ATP13A4: variants seen among roughly 807,000 people sequenced by gnomAD.
ATP13A4 encodes the protein probable cation-transporting ATPase 13A4.
ATP13A4 carries 114 observed loss-of-function variants against 142.5 expected under a neutral mutation model. That is an observed-to-expected ratio of 0.80 (90% CI 0.69 to 0.93). The LOEUF (loss-of-function observed/expected upper bound fraction) is 0.93, where lower values mean the gene tolerates loss of function less well. ATP13A4 is among the 40% of genes least tolerant of loss of function. The pLI is 0.00. For missense variants in ATP13A4, 1,392 were observed against 1,454.0 expected (o/e 0.96, Z 0.69); for synonymous variants, 488 against 514.8 (o/e 0.95, Z 0.70).
intron 2 of ATP13A4, among the ~76,000 whole-genome samples, chr3:193,563,774 A>G (rs1222700785): frequency 6.6e-6 from 1 of 152,276 alleles, no homozygotes; most frequent in Non-Finnish European, 1.5e-5. Flanking sequence ...AAAATATTTT[A>G]TTTCTTAATT....
intron 2 of ATP13A4, among the ~76,000 whole-genome samples, chr3:193,506,272 G>A (rs1046601014): frequency 6.6e-6 from 1 of 152,072 alleles, no homozygotes; most frequent in Non-Finnish European, 1.5e-5. Flanking sequence ...TTAAATAATT[G>A]GTTTATAATG....
intron 21 of ATP13A4, 56 bp downstream of exon 21, chr3:193,440,502 C>A: frequency 6.2e-7 from 1 of 1,611,050 alleles, no homozygotes; most frequent in Non-Finnish European, 8.5e-7. Context: ...CTTCCACTCC[C>A]CCTGACTGTT....
intron 12 of ATP13A4, among the ~76,000 whole-genome samples, chr3:193,463,512 T>G (rs1718082537): frequency 6.6e-6 from 1 of 151,758 alleles, no homozygotes; most frequent in African/African-American, 2.4e-5. Flanking sequence ...TAAACACCAG[T>G]TGTGTGACCA....
intron 1 of ATP13A4, among the ~76,000 whole-genome samples, chr3:193,526,644 T>A (rs183307322): frequency 5.3e-4 from 81 of 152,252 alleles, no homozygotes; most frequent in African/African-American, 1.8e-3. Context: ...AAAATAATAA[T>A]AATATAATCA....
At chr3:193,466,216 G>A (rs1187964488) in intron 10 of ATP13A4, 34 bp from the exon 11 acceptor site, 3 of 1,612,662 alleles carry the variant, frequency 1.9e-6, no homozygotes, top group African/African-American at 1.3e-5. Context: ...ACACTCTCAG[G>A]AGACCAACGC....
intron 2 of ATP13A4, among the ~76,000 whole-genome samples, chr3:193,573,274 T>TATATATATATATATATATATATATAC (rs1209937896): frequency 7.2e-5 from 6 of 83,048 alleles, no homozygotes; most frequent in African/African-American, 3.5e-4. Flanking sequence ...TATATATATA[T>TATATATATATATATATATATATATAC]ACATATATAT....
chr3:193,452,870 A>T (rs1717364701), intron 17 of ATP13A4, among the ~76,000 whole-genome samples: 1 of 151,636 alleles, frequency 6.6e-6, no homozygotes, highest in Non-Finnish European at 1.5e-5. Flanking sequence ...TATAAACACA[A>T]AGTATTTTTC....
chr3:193,465,004 A>T lies in ATP13A4; in HGVS notation c.1397T>A (p.Ile466Asn). 1 of 1,614,182 alleles carries T rather than the reference A, an allele frequency of 6.2e-7. No homozygotes were observed. The change falls in exon 12 of 30, where the codon ATC (isoleucine) becomes AAC (asparagine). Residue 466 changes from isoleucine (I) to asparagine (N), a missense_variant. Transcript: ENST00000342695. ...YAQRRLKKRG[I>N]FCISPQRINV... ...GATCCTCTGGGGGCTAATGCAGAAGATGCCTCTCTTCTTCAGCCTCCTCTG... is the reference window on the plus strand; with the variant it reads ...GATCCTCTGGGGGCTAATGCAGAAGTTGCCTCTCTTCTTCAGCCTCCTCTG...
At chr3:193,591,418 A>T (rs1035254478) in intron 1 of ATP13A4, among the ~76,000 whole-genome samples, 15 of 152,222 alleles carry the variant, frequency 9.9e-5, no homozygotes, top group Non-Finnish European at 2.2e-4. Flanking sequence ...ATTTGGTCCA[A>T]TGGTTGCAGT....
Position 193,462,984 on chromosome 3 carries a change from T to A in ATP13A4, c.1462-161A>T, listed in dbSNP as rs9882995. On this transcript the variant is annotated intron_variant, in intron 12 of 29. Transcript: ENST00000342695. ...ACATAATGAAACCACCTCCCTATTT[T>A]AAAAAAAAAAAAATCCAGTGGCCCC... Among the ~76,000 whole-genome samples the A allele has an allele frequency of 0.32, 46,885 of 148,014 alleles. 7,304 individuals carry two copies. Among genetic ancestry groups the A allele is most frequent in the Non-Finnish European group, 0.34 (22,424 of 66,810 alleles).
intron 1 of ATP13A4, among the ~76,000 whole-genome samples, chr3:193,525,058 C>G (rs181840761): frequency 6.6e-6 from 1 of 152,202 alleles, no homozygotes; most frequent in Admixed American, 6.5e-5. Context: ...TTTGTCTGTT[C>G]AAACTATGCG....
chr3:193,512,305 C>G (rs1302768154), intron 2 of ATP13A4, among the ~76,000 whole-genome samples: 1 of 152,154 alleles, frequency 6.6e-6, no homozygotes, highest in East Asian at 1.9e-4. Flanking sequence ...TCCATAGATA[C>G]TCACACCCCT....
chr3:193,554,163 T>C lies in ATP13A4; in HGVS notation c.60+577A>G, dbSNP rs79435186. 2.9e-3 allele frequency: 459 copies of C among 156,590 alleles called. 4 individuals carry two copies. The highest frequency in any genetic ancestry group is 0.017 in the South Asian group (88 of 5,242). The allele number at this position is 156,590 out of a possible 1,614,324, so 9.7% of individuals were successfully genotyped here. On this transcript the variant is annotated intron_variant, in intron 1 of 29. Transcript: ENST00000342695. ...AGATACTGAACTACCGAAAGTTTTC[T>C]GTAACCAATCTCTATAATGAGGAAG...
intron 1 of ATP13A4, among the ~76,000 whole-genome samples, chr3:193,586,281 T>G (rs922640320): frequency 6.6e-6 from 1 of 152,146 alleles, no homozygotes; most frequent in Non-Finnish European, 1.5e-5. Context: ...CAATTTGAGG[T>G]TTGCCTATTC....
intron 2 of ATP13A4, among the ~76,000 whole-genome samples, chr3:193,560,079 C>A (rs1723982376): frequency 6.6e-6 from 1 of 152,096 alleles, no homozygotes; most frequent in African/African-American, 2.4e-5. Context: ...TACTAAGTTA[C>A]TTTCATTGTT....
chr3:193,570,500 C>A (rs1196824200), intron 2 of ATP13A4, among the ~76,000 whole-genome samples: 2 of 152,070 alleles, frequency 1.3e-5, no homozygotes, highest in Non-Finnish European at 2.9e-5. Flanking sequence ...AATCTCAATG[C>A]ATTTTTATTG....
chr3:193,453,628 A>G (rs1717408669), intron 17 of ATP13A4, among the ~76,000 whole-genome samples: 1 of 152,174 alleles, frequency 6.6e-6, no homozygotes, highest in African/African-American at 2.4e-5. Flanking sequence ...AGATGTCACC[A>G]AGATTATATC....
rs547118557 is a variant in ATP13A4 at position 193,510,542 on chromosome 3, G to T, written c.234+4156C>A. Among the ~76,000 whole-genome samples the T allele has an allele frequency of 2.6e-4, 39 of 152,286 alleles. No homozygotes were observed. In the South Asian group the frequency reaches 6.6e-3, roughly 26 times the overall value. ...GTCATTTGCATAGAAACGTGGCATT[G>T]CTACTGATATTGGTTAAAAATCAGA... On this transcript the variant is annotated intron_variant, in intron 2 of 29. Transcript: ENST00000342695.
At chr3:193,550,792 G>A (rs143826259) in intron 1 of ATP13A4, among the ~76,000 whole-genome samples, 2 of 152,140 alleles carry the variant, frequency 1.3e-5, no homozygotes, top group African/African-American at 4.8e-5. Flanking sequence ...ATCAGGGAAC[G>A]TTACTTTTTA....
Sources: allele counts gnomAD v4.1 joint callset (sites outside exome capture counted in the v4.1 genomes callset), GRCh38; gene constraint gnomAD v4.1.1; transcripts MANE v1.5; gene names NCBI Gene and HGNC (gene_info 2026-07-23, HGNC 2026-07-21).